The following CA10 variants were observed in gnomAD, a reference collection of about 807,000 sequenced individuals.
CA10 encodes the protein carbonic anhydrase-related protein 10.
Under a neutral mutation model 44.2 loss-of-function variants are expected in CA10, and 14 were observed. That is an observed-to-expected ratio of 0.32 (90% CI 0.21 to 0.50). The LOEUF is 0.50. CA10 is among the 20% of genes least tolerant of loss of function. The pLI is 0.99. For synonymous variants in CA10, 159 were observed against 141.6 expected (o/e 1.12, Z -0.87); for missense variants, 350 against 409.7 (o/e 0.85, Z 1.26).
intron 3 of CA10, among the ~76,000 whole-genome samples, chr17:51,873,378 A>G (rs1979905817): frequency 6.6e-6 from 1 of 152,184 alleles, no homozygotes; most frequent in Non-Finnish European, 1.5e-5. Context: ...AAGAATTGGA[A>G]AAACATAAAC....
At chr17:52,049,771 AC>A (rs1185770560) in intron 2 of CA10, among the ~76,000 whole-genome samples, 1 of 152,134 alleles carries the variant, frequency 6.6e-6, no homozygotes, top group Admixed American at 6.6e-5. Flanking sequence ...AATTAGCATG[AC>A]TAAAACAGAA....
At position 51,699,238 on chromosome 17, in the gene CA10, G is replaced by A. The variant is rs148671524; in HGVS notation, c.466-45502C>T. Among the ~76,000 whole-genome samples the A allele has an allele frequency of 6.9e-3, 1,041 of 151,636 alleles. 16 individuals are homozygous for A. Among genetic ancestry groups the A allele is most frequent in the African/African-American group, 0.024 (1,005 of 41,334 alleles). The stretch of plus-strand genomic sequence containing the variant: ...CTTGGGAGGCTGAGGCAGGAGAATC[G>A]CTTGAACCCAGGAGGTGGACCTTGC... On this transcript the variant is annotated intron_variant, in intron 4 of 8. Transcript: ENST00000451037.
At position 51,887,145 on chromosome 17, in the gene CA10, C is replaced by T. The variant is rs188244229; in HGVS notation, c.279+43845G>A. Among the ~76,000 whole-genome samples, 294 of 151,538 alleles carry T rather than the reference C, an allele frequency of 1.9e-3. 4 individuals carry two copies. In the South Asian group the frequency reaches 0.024, roughly 13 times the overall value. ...ATAAGTCTGTTTCAGTAGAGAACTTCGGCTAATACAATCTTATTCTTGAAA... is the reference window on the plus strand; with the variant it reads ...ATAAGTCTGTTTCAGTAGAGAACTTTGGCTAATACAATCTTATTCTTGAAA... On this transcript the variant is annotated intron_variant, in intron 3 of 8. Transcript: ENST00000451037.
chr17:51,991,487 A>G (rs1985037614), intron 2 of CA10, among the ~76,000 whole-genome samples: 1 of 152,126 alleles, frequency 6.6e-6, no homozygotes, highest in African/African-American at 2.4e-5. Context: ...ATTTACTACA[A>G]TGCCAGGAAT....
chr17:52,142,189 G>A (rs1053247290), intron 1 of CA10, among the ~76,000 whole-genome samples: 5 of 152,154 alleles, frequency 3.3e-5, no homozygotes, highest in African/African-American at 1.2e-4. Flanking sequence ...GAGCAAAGTT[G>A]GAAAGGTCAG....
chr17:51,724,239 T>C (rs1450218879), intron 4 of CA10, among the ~76,000 whole-genome samples: 1 of 152,228 alleles, frequency 6.6e-6, no homozygotes, highest in Non-Finnish European at 1.5e-5. Context: ...GGATGGAATA[T>C]GAAATATTGC....
At chr17:51,765,722 T>C (rs567197631) in intron 3 of CA10, among the ~76,000 whole-genome samples, 37 of 135,920 alleles carry the variant, frequency 2.7e-4, no homozygotes, top group Non-Finnish European at 4.8e-4. Flanking sequence ...TGTGTGTGTG[T>C]GTATGTGTGT....
At chr17:51,971,635 G>C (rs1179638993) in intron 2 of CA10, among the ~76,000 whole-genome samples, 1 of 151,900 alleles carries the variant, frequency 6.6e-6, no homozygotes, top group Non-Finnish European at 1.5e-5. Context: ...TTTTTTATTA[G>C]TAGGCAAACC....
intron 4 of CA10, among the ~76,000 whole-genome samples, chr17:51,692,348 A>G (rs910074231): frequency 3.4e-5 from 5 of 147,810 alleles, no homozygotes; most frequent in African/African-American, 1.3e-4. Flanking sequence ...CTATCTACCT[A>G]CCTATCTACC....
At chr17:52,095,044 C>G (rs950918439) in intron 1 of CA10, among the ~76,000 whole-genome samples, 2 of 152,126 alleles carry the variant, frequency 1.3e-5, no homozygotes, top group South Asian at 4.1e-4. Flanking sequence ...CTTTATTTAT[C>G]ATAGCCAAAG....
intron 1 of CA10, among the ~76,000 whole-genome samples, chr17:52,115,098 G>T (rs1988864335): frequency 6.6e-6 from 1 of 152,214 alleles, no homozygotes. Flanking sequence ...GAATGGAGTG[G>T]AGCCACCAGG....
At chr17:51,827,763 C>T (rs1374258427) in intron 3 of CA10, among the ~76,000 whole-genome samples, 1 of 152,174 alleles carries the variant, frequency 6.6e-6, no homozygotes, top group Non-Finnish European at 1.5e-5. Flanking sequence ...GACTGGCTAG[C>T]TCTTTACCAA....
intron 4 of CA10, among the ~76,000 whole-genome samples, chr17:51,681,166 T>C (rs1378160230): frequency 6.6e-6 from 1 of 152,182 alleles, no homozygotes; most frequent in East Asian, 1.9e-4. Context: ...GAAACCTGGA[T>C]AAGTTATTTT....
At chr17:51,854,967 C>G (rs887569279) in intron 3 of CA10, among the ~76,000 whole-genome samples, 3 of 152,132 alleles carry the variant, frequency 2.0e-5, no homozygotes, top group African/African-American at 7.2e-5. Flanking sequence ...GTAACTGGCT[C>G]CAGGTAACTC....
chr17:51,672,629 C>T (rs1914469818), intron 4 of CA10, among the ~76,000 whole-genome samples: 1 of 152,098 alleles, frequency 6.6e-6, no homozygotes, highest in Admixed American at 6.5e-5. Flanking sequence ...CCCAGGAGCC[C>T]AATATCAGAT....
At chr17:52,075,301 A>G (rs1360480192) in intron 1 of CA10, among the ~76,000 whole-genome samples, 2 of 152,204 alleles carry the variant, frequency 1.3e-5, no homozygotes, top group Non-Finnish European at 2.9e-5. Flanking sequence ...TAACACAGAC[A>G]CAAATAACAA....
intron 4 of CA10, among the ~76,000 whole-genome samples, chr17:51,663,330 C>T (rs532002518): frequency 4.0e-5 from 6 of 150,662 alleles, no homozygotes; most frequent in Non-Finnish European, 7.4e-5. Context: ...TCCTGCACGA[C>T]GTCTAGATCC....
intron 2 of CA10, among the ~76,000 whole-genome samples, chr17:52,068,225 A>G (rs540075596): frequency 5.9e-5 from 9 of 152,162 alleles, no homozygotes; most frequent in Non-Finnish European, 8.8e-5. Flanking sequence ...CATGATAGTA[A>G]GTTCTTACAA....
chr17:51,936,191 T>C (rs932464356), intron 2 of CA10, among the ~76,000 whole-genome samples: 2 of 152,140 alleles, frequency 1.3e-5, no homozygotes, highest in Admixed American at 6.6e-5. Flanking sequence ...GGACCTACTA[T>C]GTGTCAGGCA....
Sources: gnomAD v4.1 joint callset for allele counts (sites outside exome capture counted in the v4.1 genomes callset) on GRCh38, gnomAD v4.1.1 for gene constraint, MANE v1.5 for transcripts, NCBI Gene and HGNC (gene_info 2026-07-23, HGNC 2026-07-21) for gene names.